The following ITPRID1 variants were observed in gnomAD, a reference collection of about 807,000 sequenced individuals.
The protein encoded by ITPRID1 is ITPR interacting domain containing 1.
In ITPRID1, 96 loss-of-function variants were observed where a neutral mutation model predicts 95.4. The observed-to-expected ratio is 1.01, with a 90% CI of 0.85 to 1.19. The LOEUF is 1.19. Ranked by LOEUF, ITPRID1 falls within the 50% of genes most tolerant of loss-of-function variation. The pLI is 0.00. For synonymous variants in ITPRID1, 510 were observed against 453.6 expected, an observed-to-expected ratio of 1.12 and a Z score of -1.58; for missense variants, 1,339 against 1,252.9, an observed-to-expected ratio of 1.07 and a Z score of -1.04.
At position 31,519,620 on chromosome 7, in the gene ITPRID1, C is replaced by CTCTCTCTCTCTCTA; in HGVS notation, c.-98+5501_-98+5502insCTCTCTCTCTCTAT. ...TCTCTCTCTCTCTCTCTCTCTCTCT[C>CTCTCTCTCTCTCTA]TATATATATATATATATATATATAT... On this transcript the variant is annotated intron_variant, in intron 1 of 14. Coordinates refer to ENST00000615280, the MANE Select transcript of ITPRID1 (RefSeq NM_001257967.3). 1.1e-3 allele frequency among the ~76,000 whole-genome samples: 27 copies of CTCTCTCTCTCTCTA among 25,260 alleles called. 1 individual carries two copies. Among genetic ancestry groups the CTCTCTCTCTCTCTA allele is most frequent in the South Asian group, 2.1e-3 (1 of 486 alleles). 16.6% of individuals were successfully genotyped at this position (25,260 alleles called of 152,430 possible). A position where few individuals can be genotyped will look rare whatever the true frequency, so the allele number is the denominator to read the frequency against.
chr7:31,548,449 TA>T (rs1784171964), intron 1 of ITPRID1, among the ~76,000 whole-genome samples: 1 of 152,128 alleles, frequency 6.6e-6, no homozygotes, highest in African/African-American at 2.4e-5. Flanking sequence ...TACAGATTTT[TA>T]AGGAAGAAAT....
chr7:31,598,253 A>G (rs1786171611), intron 10 of ITPRID1, among the ~76,000 whole-genome samples: 1 of 152,178 alleles, frequency 6.6e-6, no homozygotes, highest in Admixed American at 6.5e-5. Flanking sequence ...AGAAACTGAT[A>G]ATATGACTTC....
chr7:31,603,076 A>G lies in ITPRID1; in HGVS notation c.1228+19885A>G, dbSNP rs1309221727. Among the ~76,000 whole-genome samples, 4 of 152,044 alleles carry G rather than the reference A, an allele frequency of 2.6e-5. No homozygotes were observed. In the East Asian group the frequency reaches 7.8e-4, roughly 29 times the overall value. ...TCATAAAGTCGAGAATGTCAGGTCC[A>G]TGTTGACCATGATAAAGACCTGCTG... is the stretch of plus-strand genomic sequence containing the variant. On this transcript the variant is annotated intron_variant, in intron 10 of 14. Transcript: ENST00000615280.
chr7:31,557,635 G>T (rs1016986654), intron 5 of ITPRID1, among the ~76,000 whole-genome samples: 4 of 152,080 alleles, frequency 2.6e-5, no homozygotes, highest in African/African-American at 9.7e-5. Context: ...AACTTGGAGG[G>T]GAAGAAAATT....
At chr7:31,598,827 T>C (rs1388187755) in intron 10 of ITPRID1, among the ~76,000 whole-genome samples, 1 of 152,220 alleles carries the variant, frequency 6.6e-6, no homozygotes, top group East Asian at 1.9e-4. Flanking sequence ...AGCTTTACCC[T>C]GTTATAATCA....
intron 10 of ITPRID1, among the ~76,000 whole-genome samples, chr7:31,585,622 A>T (rs1170689548): frequency 6.6e-6 from 1 of 152,198 alleles, no homozygotes; most frequent in African/African-American, 2.4e-5. Context: ...GGTTAAAAAG[A>T]TGAGTCTACT....
intron 1 of ITPRID1, chr7:31,517,337 C>G (rs1333592069): frequency 6.6e-6 from 1 of 152,412 alleles, no homozygotes; most frequent in Non-Finnish European, 1.5e-5. Context: ...AAACCTTTAG[C>G]TAGACGGAAA....
At chr7:31,627,715 A>G (rs1788605614) in intron 10 of ITPRID1, among the ~76,000 whole-genome samples, 1 of 151,606 alleles carries the variant, frequency 6.6e-6, no homozygotes, top group South Asian at 2.1e-4. Flanking sequence ...GAAAGTGACT[A>G]AACTTGACAG....
At chr7:31,601,945 A>G (rs1296740340) in intron 10 of ITPRID1, among the ~76,000 whole-genome samples, 1 of 152,108 alleles carries the variant, frequency 6.6e-6, no homozygotes, top group African/African-American at 2.4e-5. Context: ...CTACACACCC[A>G]TGAAAGTCAA....
At chr7:31,522,487 A>G (rs1031431652) in intron 1 of ITPRID1, among the ~76,000 whole-genome samples, 1 of 152,238 alleles carries the variant, frequency 6.6e-6, no homozygotes, top group African/African-American at 2.4e-5. Context: ...CTCATGAAGG[A>G]ATAAGCCACA....
At chr7:31,520,516 TG>T (rs1168755436) in intron 1 of ITPRID1, among the ~76,000 whole-genome samples, 27 of 19,772 alleles carry the variant, frequency 1.4e-3, no homozygotes, top group East Asian at 0.01. Flanking sequence ...ACCACATCAT[TG>T]TGTGTGTGTG....
At chr7:31,628,232 C>T (rs1262487858) in intron 10 of ITPRID1, among the ~76,000 whole-genome samples, 1 of 152,140 alleles carries the variant, frequency 6.6e-6, no homozygotes, top group Non-Finnish European at 1.5e-5. Context: ...CCTACTCCTA[C>T]CGGTGCCTCC....
At chr7:31,538,915 C>A (rs1449996001) in intron 1 of ITPRID1, among the ~76,000 whole-genome samples, 1 of 152,120 alleles carries the variant, frequency 6.6e-6, no homozygotes, top group Non-Finnish European at 1.5e-5. Flanking sequence ...AGTTTTGCAC[C>A]CAATTACGGT....
chr7:31,530,110 G>A (rs1401399764), intron 1 of ITPRID1, among the ~76,000 whole-genome samples: 1 of 152,078 alleles, frequency 6.6e-6, no homozygotes. Context: ...AAACACAGGG[G>A]ATGAAAATGC....
chr7:31,656,579 T>C (rs1309268875), downstream of ITPRID1: 3 of 645,460 alleles, frequency 4.6e-6, no homozygotes, highest in South Asian at 2.1e-4. Flanking sequence ...TACCGCTTGA[T>C]GAATGAATGA....
intron 1 of ITPRID1, among the ~76,000 whole-genome samples, chr7:31,518,519 A>G (rs762751848): frequency 2.6e-5 from 4 of 152,200 alleles, no homozygotes; most frequent in South Asian, 2.1e-4. Flanking sequence ...GGCAGAGTCA[A>G]TGATGTTGGA....
chr7:31,548,804 T>G (rs576432134), intron 1 of ITPRID1, among the ~76,000 whole-genome samples: 15 of 152,180 alleles, frequency 9.9e-5, no homozygotes, highest in African/African-American at 3.6e-4. Context: ...GGTAATCATT[T>G]TTTTGAGAAT....
chr7:31,598,409 T>C (rs1272983933), intron 10 of ITPRID1, among the ~76,000 whole-genome samples: 8 of 142,110 alleles, frequency 5.6e-5, no homozygotes, highest in Non-Finnish European at 9.2e-5. Flanking sequence ...TTTTTTTTTT[T>C]TTTTTTTTTT....
chr7:31,597,444 C>T (rs1786134032), intron 10 of ITPRID1, among the ~76,000 whole-genome samples: 1 of 151,102 alleles, frequency 6.6e-6, no homozygotes, highest in South Asian at 2.1e-4. Context: ...ATGCAGAAAT[C>T]AGTCTCCATG....
Sources: gnomAD v4.1 joint callset for allele counts (sites outside exome capture counted in the v4.1 genomes callset) on GRCh38, gnomAD v4.1.1 for gene constraint, MANE v1.5 for transcripts, NCBI Gene and HGNC (gene_info 2026-07-23, HGNC 2026-07-21) for gene names.